SPRING1: variants seen among roughly 807,000 people sequenced by gnomAD.
The protein encoded by SPRING1 is SREBF pathway regulator in golgi 1.
In SPRING1, 14 loss-of-function variants were observed where a neutral mutation model predicts 24.7. The ratio of observed to expected loss-of-function variants is 0.57; its 90% CI spans 0.37 to 0.88. The LOEUF (loss-of-function observed/expected upper bound fraction) is 0.88, where lower values mean the gene tolerates loss of function less well. Among genes scored for constraint, SPRING1 ranks in the 40% least tolerant of loss-of-function variants. SPRING1 has a pLI of 0.00. For missense variants in SPRING1, 255 were observed against 268.4 expected, an observed-to-expected ratio of 0.95 and a Z score of 0.35; for synonymous variants, 93 against 106.1, an observed-to-expected ratio of 0.88 and a Z score of 0.76.
Position 116,716,590 on chromosome 12 carries a change from G to C in SPRING1, c.*1220C>G, listed in dbSNP as rs1256675528. The stretch of plus-strand genomic sequence containing the variant: ...GAGCCGGAGAATCTGCATTACAGTA[G>C]GAAAAATGGGGAGTGCTTTATGCCT... On this transcript the variant is annotated 3_prime_UTR_variant, in exon 5 of 5. Coordinates refer to ENST00000261318, the MANE Select transcript of SPRING1 (RefSeq NM_024738.4). The C allele has an allele frequency of 6.6e-6, 1 of 152,580 alleles. No homozygotes were observed. The highest frequency in any genetic ancestry group is 2.4e-5 in the African/African-American group (1 of 41,422). 9.5% of individuals were successfully genotyped at this position (152,580 alleles called of 1,614,324 possible). A position where few individuals can be genotyped will look rare whatever the true frequency, so the allele number is the denominator to read the frequency against.
At chr12:116,735,282 G>T (rs1458929068) in intron 1 of SPRING1, among the ~76,000 whole-genome samples, 1 of 152,168 alleles carries the variant, frequency 6.6e-6, no homozygotes, top group African/African-American at 2.4e-5. Flanking sequence ...AAAGTAGGAG[G>T]GTGGTTGCCG....
rs1384088567 is a variant in SPRING1 at position 116,737,822 on chromosome 12, G to C, written c.79C>G (p.Leu27Val). 1 of 1,596,018 alleles carries C rather than the reference G, an allele frequency of 6.3e-7. No individual in the cohort carries two copies. The highest frequency in any genetic ancestry group is 8.5e-7 in the Non-Finnish European group (1 of 1,171,280). The part of the protein sequence containing the change: ...WVLALVFGLS[L>V]VYFLSSTFKQ... ...AAGGTGCTGCTGAGGAAGTAGACGAGCGACAGCCCGAAGACCAGGGCGAGC... is the reference window on the plus strand; with the variant it reads ...AAGGTGCTGCTGAGGAAGTAGACGACCGACAGCCCGAAGACCAGGGCGAGC... The change falls in exon 1 of 5, where the codon CTC becomes GTC. Residue 27 changes from leucine (L) to valine (V), a missense_variant. Transcript: ENST00000261318.
chr12:116,731,899 C>T (rs1158179438), intron 1 of SPRING1, among the ~76,000 whole-genome samples: 3 of 152,206 alleles, frequency 2.0e-5, no homozygotes, highest in East Asian at 3.8e-4. Context: ...AATGAGGCCC[C>T]CTCTCAGCAC....
chr12:116,734,494 G>A (rs965570880), intron 1 of SPRING1, among the ~76,000 whole-genome samples: 1 of 152,176 alleles, frequency 6.6e-6, no homozygotes, highest in Non-Finnish European at 1.5e-5. Context: ...AGAGGTGAAA[G>A]GTTAGCAGAA....
intron 1 of SPRING1, among the ~76,000 whole-genome samples, chr12:116,729,165 C>T (rs1463144290): frequency 1.3e-5 from 2 of 152,140 alleles, no homozygotes; most frequent in Non-Finnish European, 2.9e-5. Context: ...CGATGGAAGA[C>T]AGCTGAATCT....
chr12:116,728,040 T>C lies in SPRING1; in HGVS notation c.112-4817A>G, dbSNP rs148335686. Among the ~76,000 whole-genome samples, 90 of 152,320 alleles carry C rather than the reference T, an allele frequency of 5.9e-4. No individual in the cohort carries two copies. The highest frequency in any genetic ancestry group is 6.8e-3 in the Middle Eastern group (2 of 294). On this transcript the variant is annotated intron_variant, in intron 1 of 4. Coordinates refer to ENST00000261318, the MANE Select transcript of SPRING1 (RefSeq NM_024738.4). The surrounding 1 kb of genome is among the most constrained non-coding windows in gnomAD (Gnocchi z 4.2). Reference sequence around the variant, plus strand: ...TTAAGGCTGAACACGTTCGTAGATTTTCAAGGAGTTATGCAAACAGCCCTG... The same window carrying C: ...TTAAGGCTGAACACGTTCGTAGATTCTCAAGGAGTTATGCAAACAGCCCTG...
intron 4 of SPRING1, among the ~76,000 whole-genome samples, chr12:116,719,374 T>G (rs1870308076): frequency 6.6e-6 from 1 of 152,128 alleles, no homozygotes; most frequent in South Asian, 2.1e-4. Flanking sequence ...CAGAACAAAT[T>G]GCTACTTACT....
Position 116,720,509 on chromosome 12 carries a change from T to C in SPRING1, c.269-62A>G. ...AGCCTTGCCACCTCCCTACCAGGGA[T>C]GACCATGAAGCAGCAGTGAAAGTAC... On this transcript the variant is annotated intron_variant, in intron 2 of 4. Coordinates refer to ENST00000261318, the MANE Select transcript of SPRING1 (RefSeq NM_024738.4). This position sits in a 1 kb window ranked among gnomAD's most constrained non-coding sequence, Gnocchi z 4.0. The C allele has an allele frequency of 1.3e-6, 2 of 1,583,220 alleles. No homozygotes were observed. The highest frequency in any genetic ancestry group is 1.2e-5 in the South Asian group (1 of 86,486).
chr12:116,723,123 G>A lies in SPRING1; in HGVS notation c.212C>T (p.Pro71Leu), dbSNP rs149801903. The A allele has an allele frequency of 2.9e-5, 47 of 1,612,882 alleles. No individual in the cohort carries two copies. Among genetic ancestry groups the A allele is most frequent in the Admixed American group, 1.7e-4 (10 of 60,004 alleles). ...AATGGAGTTGCGGCACTGATTGCTC[G>A]GACGACTGCTATTGCCCAAGTTAAA... ...VQFNLGNSSRPSNQCRNSIQG... is the reference protein window; with the variant it reads ...VQFNLGNSSRLSNQCRNSIQG... The change falls in exon 2 of 5, where the codon CCG becomes CTG. Residue 71 changes from proline (P) to leucine (L), a missense_variant. By Grantham distance (98) the Pro-to-Leu change is moderately conservative (BLOSUM62 -3). Transcript: ENST00000261318.
chr12:116,731,031 G>A (rs1280294648), intron 1 of SPRING1, among the ~76,000 whole-genome samples: 1 of 152,220 alleles, frequency 6.6e-6, no homozygotes, highest in African/African-American at 2.4e-5. Context: ...AATTGCCAAA[G>A]CTCTTCCTCA....
chr12:116,721,353 TC>T (rs1870427686), intron 2 of SPRING1, among the ~76,000 whole-genome samples: 1 of 152,172 alleles, frequency 6.6e-6, no homozygotes, highest in African/African-American at 2.4e-5. Context: ...GAGCAGCTGC[TC>T]CCCACATCAC....
chr12:116,724,697 C>T lies in SPRING1; in HGVS notation c.112-1474G>A, dbSNP rs1434014965. Among the ~76,000 whole-genome samples the T allele has an allele frequency of 2.6e-5, 4 of 152,062 alleles. No homozygotes were observed. In the East Asian group the frequency reaches 5.8e-4, roughly 22 times the overall value. On this transcript the variant is annotated intron_variant, in intron 1 of 4. Coordinates refer to ENST00000261318, the MANE Select transcript of SPRING1 (RefSeq NM_024738.4). ...CATCTCAAAAACAAACAAACAAAAC[C>T]CCTGAAACCCCAATAACAGAGAAAT... is the stretch of plus-strand genomic sequence containing the variant.
chr12:116,737,373 GAAGA>G (rs955084027), intron 1 of SPRING1, among the ~76,000 whole-genome samples: 12 of 151,910 alleles, frequency 7.9e-5, no homozygotes, highest in Non-Finnish European at 1.6e-4. Flanking sequence ...GGATGTCAGG[GAAGA>G]AAGGGAGTAA....
rs988269756 is a variant in SPRING1, at chr12:116,714,446, C to T, written c.*3364G>A. ...GGGGACATGCTGAGAGGTGACAGCA[C>T]TGCTCTCAAGTCATATCCTCTGCTT... On this transcript the variant is annotated 3_prime_UTR_variant, in exon 5 of 5. Coordinates refer to ENST00000261318, the MANE Select transcript of SPRING1 (RefSeq NM_024738.4). 2 of 152,268 alleles carry T rather than the reference C, an allele frequency of 1.3e-5. No individual in the cohort carries two copies. Among genetic ancestry groups the T allele is most frequent in the African/African-American group, 4.8e-5 (2 of 41,456 alleles). The allele number at this position is 152,268 out of a possible 1,614,324, so 9.4% of individuals were successfully genotyped here. A position where few individuals can be genotyped will look rare whatever the true frequency, so the allele number is the denominator to read the frequency against.
intron 1 of SPRING1, among the ~76,000 whole-genome samples, chr12:116,733,433 C>T (rs1228378039): frequency 3.4e-5 from 5 of 145,128 alleles, no homozygotes; most frequent in Non-Finnish European, 7.5e-5. Flanking sequence ...CTGCCCACCT[C>T]GGCCCTCCCA....
chr12:116,715,482 CTG>C lies in SPRING1; in HGVS notation c.*2326_*2327del, dbSNP rs1295967418. 1 of 152,182 alleles carries C rather than the reference CTG, an allele frequency of 6.6e-6. No homozygotes were observed. The highest frequency in any genetic ancestry group is 1.5e-5 in the Non-Finnish European group (1 of 68,050). 9.4% of individuals were successfully genotyped at this position (152,182 alleles called of 1,614,324 possible). ...CAGCTTCATTATGGAGGCTCAAGCG[CTG>C]TGAATTTCCAAAAACAGTGAACACA... On this transcript the variant is annotated 3_prime_UTR_variant, in exon 5 of 5. Transcript: ENST00000261318.
Position 116,723,171 on chromosome 12 carries a change from T to A in SPRING1, c.164A>T (p.Gln55Leu). The A allele has an allele frequency of 1.2e-6, 2 of 1,614,062 alleles. No homozygotes were observed. Among genetic ancestry groups the A allele is most frequent in the South Asian group, 2.2e-5 (2 of 91,078 alleles). Residue 55 changes from glutamine (Q) to leucine (L), a missense_variant, in exon 2 of 5, where the codon CAG becomes CTG. Transcript: ENST00000261318. ...AAACTGCACTTTCCACGGGATGGGC[T>A]GATTATGGTCATGAACCTGGAGGAG... ...RNLLQVHDHN[Q>L]PIPWKVQFNL...
In SPRING1 at chr12:116,737,987, G is replaced by A. The variant is rs1157429005; in HGVS notation, c.-87C>T. On this transcript the variant is annotated 5_prime_UTR_variant, in exon 1 of 5. Transcript: ENST00000261318. ...CGGCATGGCCCCTACGCGCCCGGCA[G>A]CCCCATCCCTCCAGGCAGGCGCCGG... 1.5e-5 allele frequency: 18 copies of A among 1,189,232 alleles called. No individual in the cohort carries two copies. Among genetic ancestry groups the A allele is most frequent in the Non-Finnish European group, 1.8e-5 (17 of 955,666 alleles). 73.7% of individuals were successfully genotyped at this position (1,189,232 alleles called of 1,614,324 possible). A position where few individuals can be genotyped will look rare whatever the true frequency, so the allele number is the denominator to read the frequency against.
intron 2 of SPRING1, among the ~76,000 whole-genome samples, chr12:116,722,038 T>C (rs990925720): frequency 2.0e-5 from 3 of 152,240 alleles, no homozygotes; most frequent in African/African-American, 7.2e-5. Flanking sequence ...TGTGTTGCTA[T>C]TGCCTTGAAA....
Sources: allele counts gnomAD v4.1 joint callset (sites outside exome capture counted in the v4.1 genomes callset), GRCh38; gene constraint gnomAD v4.1.1; non-coding constraint Gnocchi (gnomAD v3.1); transcripts MANE v1.5; gene names NCBI Gene and HGNC (gene_info 2026-07-23, HGNC 2026-07-21).